Variants in MYH4 observed in about 807,000 individuals in gnomAD.
The protein encoded by MYH4 is myosin heavy chain 4.
MYH4 carries 200 observed loss-of-function variants against 229.9 expected under a neutral mutation model. That is an observed-to-expected ratio of 0.87 (90% confidence interval 0.78 to 0.98). The LOEUF (loss-of-function observed/expected upper bound fraction) is 0.98. Among genes scored for constraint, MYH4 ranks in the 50% least tolerant of loss-of-function variants. MYH4 has a pLI of 0.00. For missense variants in MYH4, 2,148 were observed against 2,332.6 expected, an observed-to-expected ratio of 0.92 and a Z score of 1.63; for synonymous variants, 761 against 834.6, an observed-to-expected ratio of 0.91 and a Z score of 1.52.
chr17:10,453,904 C>G lies in MYH4; in HGVS notation c.2692-19G>C, dbSNP rs774892199. On this transcript the variant is annotated intron_variant, in intron 22 of 39. Transcript: ENST00000255381. ...CTGCTTCCTAAAGGGAGAAATTAAG[C>G]ATTTTCATTTGTCTGAGCTATATCT... The G allele has an allele frequency of 6.8e-6, 11 of 1,612,942 alleles. No homozygotes were observed. In the East Asian group the frequency reaches 2.5e-4, roughly 36 times the overall value.
Position 10,451,342 on chromosome 17 carries a change from A to G in MYH4, c.3849T>C (p.Arg1283=). The change falls in exon 28 of 40, where the codon CGT becomes CGC. Residue 1283 remains arginine (R), a synonymous_variant. Transcript: ENST00000255381. ...LINELSAQKA[R]LHTESGEFSR... Reference sequence around the variant, plus strand: ...TTTACTGACCTGATTCTGTGTGTAAACGTGCCTTCTGGGCTGACAACTCAT... The same window carrying G: ...TTTACTGACCTGATTCTGTGTGTAAGCGTGCCTTCTGGGCTGACAACTCAT... 6.2e-7 allele frequency: 1 copy of G among 1,613,952 alleles called. No homozygotes were observed. Among genetic ancestry groups the G allele is most frequent in the East Asian group, 2.2e-5 (1 of 44,864 alleles).
rs752663517 is a variant in MYH4, at chr17:10,452,432, T to G, written c.3332A>C (p.Lys1111Thr). The change falls in exon 26 of 40, where the codon AAG becomes ACG. Residue 1111 changes from lysine to threonine, a missense_variant. Lys to Thr is a moderately conservative substitution (Grantham distance 78, BLOSUM62 -1). Coordinates refer to ENST00000255381, the MANE Select transcript of MYH4 (RefSeq NM_017533.2). The part of the protein sequence containing the change: ...EQALAIQLQK[K>T]IKELQARIEE... ...ATAACTTACCTGTAATTCTTTGATC[T>G]TCTTTTGTAGCTGTATTGCAAGGGC... 6.2e-7 allele frequency: 1 copy of G among 1,614,150 alleles called. No individual in the cohort carries two copies. Among genetic ancestry groups the G allele is most frequent in the East Asian group, 2.2e-5 (1 of 44,882 alleles).
chr17:10,457,295 C>A, intron 16 of MYH4, 125 bp downstream of exon 16: 1 of 1,062,390 alleles, frequency 9.4e-7, no homozygotes, highest in Non-Finnish European at 1.3e-6. Flanking sequence ...AATACACTTT[C>A]TTTCATTAGG....
Position 10,447,365 on chromosome 17 carries a change from C to T in MYH4, c.4966-149G>A, listed in dbSNP as rs1597414722. 6 of 658,110 alleles carry T rather than the reference C, an allele frequency of 9.1e-6. No homozygotes were observed. The South Asian group carries it at 1.3e-4, about 14-fold the overall frequency. 40.8% of individuals were successfully genotyped at this position (658,110 alleles called of 1,614,324 possible). On this transcript the variant is annotated intron_variant, in intron 34 of 39. Coordinates refer to ENST00000255381, the MANE Select transcript of MYH4 (RefSeq NM_017533.2). ...ACCTTTAATAATAAATTCTTTGTAGCTGAGGGTTGCAGTTCTACTCAAAAG... is the reference window on the plus strand; with the variant it reads ...ACCTTTAATAATAAATTCTTTGTAGTTGAGGGTTGCAGTTCTACTCAAAAG...
chr17:10,451,211 A>G (rs2072568612), intron 28 of MYH4, 115 bp downstream of exon 28: 2 of 1,297,672 alleles, frequency 1.5e-6, no homozygotes, highest in Non-Finnish European at 2.1e-6. Flanking sequence ...AGGAATAAGT[A>G]AGACATGATA....
intron 2 of MYH4, among the ~76,000 whole-genome samples, chr17:10,468,535 A>ATT (rs946421235): frequency 4.7e-4 from 71 of 152,316 alleles, no homozygotes; most frequent in African/African-American, 1.7e-3. Flanking sequence ...GGTTTTCATG[A>ATT]TTATATATAT....
Position 10,452,782 on chromosome 17 carries a change from C to T in MYH4, c.3257+5G>A. The T allele has an allele frequency of 6.2e-7, 1 of 1,600,092 alleles. No individual in the cohort carries two copies. Among genetic ancestry groups the T allele is most frequent in the Non-Finnish European group, 8.5e-7 (1 of 1,176,936 alleles). On this transcript the variant is annotated splice_donor_5th_base_variant and intron_variant, in intron 25 of 39. Transcript: ENST00000255381. ...CAGGTTATAGCTGAATTATACCATA[C>T]TTACTTTTTGAGTTTCTCATTAAGT...
intron 25 of MYH4, 65 bp downstream of exon 25, chr17:10,452,722 T>C (rs1231325564): frequency 1.3e-6 from 2 of 1,505,374 alleles, no homozygotes; most frequent in African/African-American, 2.8e-5. Flanking sequence ...GAGATCTTTT[T>C]AGCGTATGTT....
In MYH4 at chr17:10,469,345, A is replaced by C. The variant is rs1183747088; in HGVS notation, c.-88-9T>G. 2.0e-5 allele frequency: 3 copies of C among 152,228 alleles called. No individual in the cohort carries two copies. The highest frequency in any genetic ancestry group is 4.4e-5 in the Non-Finnish European group (3 of 68,030). 9.4% of individuals were successfully genotyped at this position (152,228 alleles called of 1,614,324 possible). On this transcript the variant is annotated splice_polypyrimidine_tract_variant and intron_variant, in intron 1 of 39. Transcript: ENST00000255381. ...CTCAAAGCAGACAACTACTGTTGAA[A>C]GAAAAAAGAGAATGTGGGATGCTTT...
Position 10,463,402 on chromosome 17 carries a change from C to CTT in MYH4, c.742-3_742-2dup. 1 of 1,611,786 alleles carries CTT rather than the reference C, an allele frequency of 6.2e-7. No individual in the cohort carries two copies. Among genetic ancestry groups the CTT allele is most frequent in the Non-Finnish European group, 8.5e-7 (1 of 1,179,114 alleles). ...CAAAATGGATCCTGATGAATTTACC[C>CTT]TTAAAAAAGAAAAGGAGGGATTATT... On this transcript the variant is annotated splice_acceptor_variant, in intron 8 of 39. Coordinates refer to ENST00000255381, the MANE Select transcript of MYH4 (RefSeq NM_017533.2). LOFTEE classifies it high-confidence loss of function.
chr17:10,456,452 A>T, intron 17 of MYH4, 33 bp downstream of exon 17: 2 of 1,530,104 alleles, frequency 1.3e-6, no homozygotes, highest in Non-Finnish European at 1.8e-6. Flanking sequence ...TTTTAATGAA[A>T]GTATTTATCT....
Position 10,455,202 on chromosome 17 carries a change from G to T in MYH4, c.2268C>A (p.Asp756Glu). 6.2e-7 allele frequency: 1 copy of T among 1,614,122 alleles called. No individual in the cohort carries two copies. Among genetic ancestry groups the T allele is most frequent in the Non-Finnish European group, 8.5e-7 (1 of 1,180,012 alleles). Residue 756 changes from aspartate (D) to glutamate (E), a missense_variant, in exon 20 of 40, where the codon GAC becomes GAA. Coordinates refer to ENST00000255381, the MANE Select transcript of MYH4 (RefSeq NM_017533.2). Reference protein sequence around the residue: ...SEKLLGSIEIDHTQYKFGHTK... With the variant: ...SEKLLGSIEIEHTQYKFGHTK... The stretch of plus-strand genomic sequence containing the variant: ...TATGACCGAATTTGTACTGGGTGTG[G>T]TCAATTTCAATAGACCCTAGAAGTT...
chr17:10,452,809 G>A lies in MYH4; in HGVS notation c.3235C>T (p.Gln1079Ter), dbSNP rs945111451. The change falls in exon 25 of 40, where the codon CAA becomes TAA. Residue 1079 changes from glutamine to a stop codon, truncating the protein, a stop_gained. Coordinates refer to ENST00000255381, the MANE Select transcript of MYH4 (RefSeq NM_017533.2). LOFTEE classifies it high-confidence loss of function. ...TACTTTTTGAGTTTCTCATTAAGTTGCTGTTTGTCATTTTCTGTATCCATT... is the reference window on the plus strand; with the variant it reads ...TACTTTTTGAGTTTCTCATTAAGTTACTGTTTGTCATTTTCTGTATCCATT... Reference protein sequence around the residue: ...STMDTENDKQQLNEKLKKKEF... With the variant: ...STMDTENDKQ 1 of 1,606,310 alleles carries A rather than the reference G, an allele frequency of 6.2e-7. No individual in the cohort carries two copies. Among genetic ancestry groups the A allele is most frequent in the Non-Finnish European group, 8.5e-7 (1 of 1,178,600 alleles).
intron 2 of MYH4, among the ~76,000 whole-genome samples, chr17:10,467,597 G>C (rs966831278): frequency 6.6e-6 from 1 of 151,910 alleles, no homozygotes; most frequent in Admixed American, 6.6e-5. Context: ...GTGTTGATCT[G>C]TATTTCTCTT....
rs2072725656 is a variant in MYH4 at position 10,463,540 on chromosome 17, A to C, written c.741+11T>G. 1.2e-6 allele frequency: 2 copies of C among 1,608,388 alleles called. No homozygotes were observed. Among genetic ancestry groups the C allele is most frequent in the African/African-American group, 2.7e-5 (2 of 74,784 alleles). On this transcript the variant is annotated intron_variant, in intron 8 of 39. Transcript: ENST00000255381. ...GCTGATCCTCAAGAAAATGAAGATC[A>C]AGAGACTTACAAAGCGAGAGGAGTT...
chr17:10,460,315 T>C lies in MYH4; in HGVS notation c.1154A>G (p.Asp385Gly). 6.2e-7 allele frequency: 1 copy of C among 1,601,292 alleles called. No homozygotes were observed. Among genetic ancestry groups the C allele is most frequent in the Non-Finnish European group, 8.6e-7 (1 of 1,169,522 alleles). ...CAGACTTGTCAGATAAGCAGCTTTG[T>C]CAGCAACTGTGTGAACAAGGTGAGA... The part of the protein sequence containing the change: ...QAEPDGTEVA[D>G]KAAYLTSLNS... The change falls in exon 13 of 40, where the codon GAC (aspartate) becomes GGC (glycine). Residue 385 changes from aspartate (D) to glycine (G), a missense_variant. Physicochemically the swap from Asp to Gly is moderately conservative, Grantham distance 94 (BLOSUM62 -1). Transcript: ENST00000255381.
At chr17:10,465,637 T>C in intron 4 of MYH4, 39 bp from the exon 5 acceptor site, 2 of 1,612,908 alleles carry the variant, frequency 1.2e-6, no homozygotes, top group Non-Finnish European at 1.7e-6. Context: ...AGCAATCACC[T>C]TGTTTATCTA....
Position 10,451,958 on chromosome 17 carries a change from T to C in MYH4, c.3721A>G (p.Thr1241Ala), listed in dbSNP as rs1407096530. The C allele has an allele frequency of 2.5e-6, 4 of 1,610,070 alleles. 1 individual carries two copies. The highest frequency in any genetic ancestry group is 3.4e-6 in the Non-Finnish European group (4 of 1,177,742). The change falls in exon 27 of 40, where the codon ACT becomes GCT. Residue 1241 changes from threonine to alanine, a missense_variant. Coordinates refer to ENST00000255381, the MANE Select transcript of MYH4 (RefSeq NM_017533.2). ...ATGAAGACCTTGGCTTTGGAGACAG[T>C]CTCCATGTTACTAGCAAGGTCATTG... is the stretch of plus-strand genomic sequence containing the variant. Reference protein sequence around the residue: ...EINDLASNMETVSKAKANFEK... With the variant: ...EINDLASNMEAVSKAKANFEK...
rs760711747 is a variant in MYH4, at chr17:10,457,568, C to T, written c.1749G>A (p.Val583=). The T allele has an allele frequency of 2.5e-6, 4 of 1,614,202 alleles. No homozygotes were observed. The highest frequency in any genetic ancestry group is 3.4e-6 in the Non-Finnish European group (4 of 1,180,036). Reference sequence around the variant, plus strand: ...TGTAGTCCACGGTGCCGGCATAGTGCACCAGTGAGAAGTGAGCCTCAGGCT... The same window carrying T: ...TGTAGTCCACGGTGCCGGCATAGTGTACCAGTGAGAAGTGAGCCTCAGGCT... ...KGKPEAHFSL[V]HYAGTVDYNI... The change falls in exon 16 of 40, where the codon GTG becomes GTA. Residue 583 remains valine (V), a synonymous_variant. Coordinates refer to ENST00000255381, the MANE Select transcript of MYH4 (RefSeq NM_017533.2).
Sources: allele counts gnomAD v4.1 joint callset (sites outside exome capture counted in the v4.1 genomes callset), GRCh38; gene constraint gnomAD v4.1.1; transcripts MANE v1.5; gene names NCBI Gene and HGNC (gene_info 2026-07-23, HGNC 2026-07-21).